The following PRAME variants were observed in gnomAD, a reference collection of about 807,000 sequenced individuals.
PRAME encodes the protein PRAME nuclear receptor transcriptional regulator.
A neutral mutation model predicts 32.1 loss-of-function variants in PRAME; 21 were observed. That is an observed-to-expected ratio of 0.65 (90% CI 0.46 to 0.94). PRAME has a LOEUF of 0.94. PRAME is among the 40% of genes least tolerant of loss of function. PRAME has a pLI of 0.00. For synonymous variants in PRAME, 274 were observed against 251.5 expected, an observed-to-expected ratio of 1.09 and a Z score of -0.85; for missense variants, 651 against 622.3, an observed-to-expected ratio of 1.05 and a Z score of -0.49.
chr22:22,557,344 C>A (rs1327565046), intron 2 of PRAME: 14 of 165,988 alleles, frequency 8.4e-5, no homozygotes, highest in Admixed American at 4.0e-4. Context: ...CGGTTCAAGG[C>A]ATCCTTACAG....
chr22:22,552,554 G>A (rs2062651904), intron 3 of PRAME, among the ~76,000 whole-genome samples: 1 of 151,816 alleles, frequency 6.6e-6, no homozygotes. Flanking sequence ...TACTATATAT[G>A]CATAAACTGA....
At chr22:22,549,061 C>CT (rs954395121) in intron 5 of PRAME, among the ~76,000 whole-genome samples, 2 of 151,948 alleles carry the variant, frequency 1.3e-5, no homozygotes, top group African/African-American at 4.8e-5. Context: ...ACCTCTATCT[C>CT]TGTGCCTGAT....
Position 22,559,212 on chromosome 22 carries a change from C to G in PRAME, c.-355G>C, listed in dbSNP as rs573416179. On this transcript the variant is annotated 5_prime_UTR_variant, in exon 1 of 6. Transcript: ENST00000405655. ...CACGCCTGGGAAGCGGGTGGGGTGTCCCGGAGCGGTGCTGAGGCGCTGCAG... is the reference window on the plus strand; with the variant it reads ...CACGCCTGGGAAGCGGGTGGGGTGTGCCGGAGCGGTGCTGAGGCGCTGCAG... 3.1e-5 allele frequency: 9 copies of G among 294,410 alleles called. No homozygotes were observed. In the Admixed American group the frequency reaches 3.7e-4, roughly 12 times the overall value. The allele number at this position is 294,410 out of a possible 1,614,324, so 18.2% of individuals were successfully genotyped here.
In PRAME at chr22:22,548,412, G is replaced by A. The variant is rs2062365021; in HGVS notation, c.1185C>T (p.Leu395=). 6.2e-7 allele frequency: 1 copy of A among 1,613,554 alleles called. No individual in the cohort carries two copies. The highest frequency in any genetic ancestry group is 2.2e-5 in the East Asian group (1 of 44,792). The change falls in exon 6 of 6, where the codon CTC becomes CTT. Residue 395 remains leucine, a synonymous_variant. Transcript: ENST00000405655. ...FDECGITDDQ[L]LALLPSLSHC... ...GGCTCAGGGAAGGCAGGAGGGCAAG[G>A]AGCTGATCATCCGTGATCCCACACT... is the stretch of plus-strand genomic sequence containing the variant.
In PRAME at chr22:22,547,900, T is replaced by C. The variant is rs184094516; in HGVS notation, c.*167A>G. On this transcript the variant is annotated 3_prime_UTR_variant, in exon 6 of 6. Coordinates refer to ENST00000405655, the MANE Select transcript of PRAME (RefSeq NM_206956.3). ...GCCTACCCCCAACTTCCCCTTTTTT[T>C]CCTCACTGAACATTTGTCTGAATGT... is the stretch of plus-strand genomic sequence containing the variant. The C allele has an allele frequency of 5.5e-4, 423 of 773,372 alleles. 1 individual carries two copies. Among genetic ancestry groups the C allele is most frequent in the Admixed American group, 1.6e-3 (60 of 37,224 alleles). The allele number at this position is 773,372 out of a possible 1,614,324, so 47.9% of individuals were successfully genotyped here.
Position 22,548,379 on chromosome 22 carries a change from G to C in PRAME, c.1218C>G (p.Ser406=). ...LALLPSLSHC[S]QLTTLSFYGN... ...CGTAGAAGCTTAAGGTCGTAAGCTG[G>C]GAGCAGTGGCTCAGGGAAGGCAGGA... Residue 406 remains serine (S), a synonymous_variant, in exon 6 of 6, where the codon TCC becomes TCG. Coordinates refer to ENST00000405655, the MANE Select transcript of PRAME (RefSeq NM_206956.3). 1 of 1,613,490 alleles carries C rather than the reference G, an allele frequency of 6.2e-7. No individual in the cohort carries two copies. The highest frequency in any genetic ancestry group is 2.2e-5 in the East Asian group (1 of 44,796).
chr22:22,554,254 C>A (rs1374677931), intron 3 of PRAME: 1 of 984,972 alleles, frequency 1.0e-6, no homozygotes. Flanking sequence ...GAAGTCCCTA[C>A]AATTCTTATA....
chr22:22,547,771 T>C lies in PRAME; in HGVS notation c.*296A>G. Reference sequence around the variant, plus strand: ...GTCTACACAGGGATTAACTCCTACATGTACTTCCCAAGCCAGAATCTCCCT... The same window carrying C: ...GTCTACACAGGGATTAACTCCTACACGTACTTCCCAAGCCAGAATCTCCCT... On this transcript the variant is annotated 3_prime_UTR_variant, in exon 6 of 6. Coordinates refer to ENST00000405655, the MANE Select transcript of PRAME (RefSeq NM_206956.3). The C allele has an allele frequency of 2.2e-6, 1 of 458,348 alleles. No individual in the cohort carries two copies. Among genetic ancestry groups the C allele is most frequent in the Admixed American group, 3.9e-5 (1 of 25,340 alleles). 28.4% of individuals were successfully genotyped at this position (458,348 alleles called of 1,614,324 possible). A position where few individuals can be genotyped will look rare whatever the true frequency, so the allele number is the denominator to read the frequency against.
At chr22:22,554,418 C>T (rs755280547) in intron 3 of PRAME, among the ~76,000 whole-genome samples, 1 of 151,932 alleles carries the variant, frequency 6.6e-6, no homozygotes, top group Non-Finnish European at 1.5e-5. Flanking sequence ...ACCTAATGGC[C>T]TTTGTGAAAA....
At chr22:22,558,756 T>A (rs1169587744) in intron 1 of PRAME, among the ~76,000 whole-genome samples, 1 of 151,266 alleles carries the variant, frequency 6.6e-6, no homozygotes, top group Non-Finnish European at 1.5e-5. Context: ...CTGGACTCTG[T>A]CCTGGGTCTG....
chr22:22,548,572 A>G lies in PRAME; in HGVS notation c.1025T>C (p.Leu342Pro). ...CTGACTGACGCTGGGACTCTGGGAC[A>G]GATGCATCACATCCCCTTCCGAAAG... is the stretch of plus-strand genomic sequence containing the variant. The part of the protein sequence containing the change: ...CRLSEGDVMH[L>P]SQSPSVSQLS... The change falls in exon 6 of 6, where the codon CTG becomes CCG. Residue 342 changes from leucine (L) to proline (P), a missense_variant. Coordinates refer to ENST00000405655, the MANE Select transcript of PRAME (RefSeq NM_206956.3). 1.2e-6 allele frequency: 2 copies of G among 1,612,964 alleles called. No homozygotes were observed. Among genetic ancestry groups the G allele is most frequent in the Non-Finnish European group, 1.7e-6 (2 of 1,179,896 alleles).
intron 3 of PRAME, among the ~76,000 whole-genome samples, chr22:22,554,521 G>C (rs1445743244): frequency 6.6e-6 from 1 of 151,900 alleles, no homozygotes; most frequent in Non-Finnish European, 1.5e-5. Flanking sequence ...TAGTAATAAA[G>C]GTCATTGTCA....
At chr22:22,548,885 G>C (rs1458675982) in intron 5 of PRAME, among the ~76,000 whole-genome samples, 6 of 151,876 alleles carry the variant, frequency 4.0e-5, no homozygotes, top group Non-Finnish European at 8.8e-5. Flanking sequence ...CTGTGAGGCA[G>C]GGTCCAACAC....
At chr22:22,556,661 G>A in intron 3 of PRAME, 151 bp downstream of exon 3, 1 of 987,644 alleles carries the variant, frequency 1.0e-6, no homozygotes, top group Non-Finnish European at 1.6e-6. Flanking sequence ...ATGCTCTTTT[G>A]TGGAAATGAC....
chr22:22,548,988 G>A (rs1456094934), intron 5 of PRAME, among the ~76,000 whole-genome samples: 1 of 151,838 alleles, frequency 6.6e-6, no homozygotes, highest in African/African-American at 2.4e-5. Flanking sequence ...AGTATTTGAA[G>A]ATACAACTGA....
Position 22,552,677 on chromosome 22 carries a change from G to A in PRAME, c.22-1588C>T, listed in dbSNP as rs542397784. On this transcript the variant is annotated intron_variant, in intron 3 of 5. Coordinates refer to ENST00000405655, the MANE Select transcript of PRAME (RefSeq NM_206956.3). ...AAGGCAAAACTACATTTAGAGACAA[G>A]AACAAAGCCTGTTCCTTTGTAAGGA... The A allele has an allele frequency of 3.5e-4, 107 of 306,082 alleles. 3 individuals are homozygous for A. The highest frequency in any genetic ancestry group is 3.1e-3 in the South Asian group (102 of 33,406). The allele number at this position is 306,082 out of a possible 1,614,324, so 19.0% of individuals were successfully genotyped here. A position where few individuals can be genotyped will look rare whatever the true frequency, so the allele number is the denominator to read the frequency against.
intron 3 of PRAME, chr22:22,555,991 AG>A (rs2147045700): frequency 7.5e-5 from 28 of 371,254 alleles, no homozygotes; most frequent in East Asian, 1.8e-4. Flanking sequence ...CAATGCATTA[AG>A]ATTTTTTTTT....
intron 5 of PRAME, 49 bp downstream of exon 5, chr22:22,549,677 A>G (rs762716493): frequency 5.9e-6 from 9 of 1,532,152 alleles, no homozygotes; most frequent in South Asian, 1.3e-5. Flanking sequence ...GTTTACTGCA[A>G]TAAGGAAGGG....
chr22:22,556,004 T>C, intron 3 of PRAME: 1 of 423,412 alleles, frequency 2.4e-6, no homozygotes, highest in South Asian at 1.7e-5. Context: ...TTTTTTTTTT[T>C]TTTTTGGAGG....
Sources: gnomAD v4.1 joint callset for allele counts (sites outside exome capture counted in the v4.1 genomes callset) on GRCh38, gnomAD v4.1.1 for gene constraint, MANE v1.5 for transcripts, NCBI Gene and HGNC (gene_info 2026-07-23, HGNC 2026-07-21) for gene names.